ENOX1: variants seen among roughly 807,000 people sequenced by gnomAD.
The protein encoded by ENOX1 is ecto-NOX disulfide-thiol exchanger 1.
In ENOX1, 42 loss-of-function variants were observed where a neutral mutation model predicts 82.5. The observed-to-expected ratio is 0.51, with a 90% CI of 0.40 to 0.66. ENOX1 has a LOEUF of 0.66. Ranked by LOEUF, ENOX1 falls within the 30% of genes least tolerant of loss-of-function variation. The pLI, the probability that ENOX1 is intolerant of heterozygous loss-of-function variation, is 0.00. For missense variants in ENOX1, 608 were observed against 811.6 expected (o/e 0.75, Z 3.05); for synonymous variants, 271 against 282.2 (o/e 0.96, Z 0.40).
At chr13:43,337,851 GCTCT>G (rs888183685) in intron 9 of ENOX1, among the ~76,000 whole-genome samples, 21 of 152,288 alleles carry the variant, frequency 1.4e-4, no homozygotes, top group African/African-American at 4.6e-4. Flanking sequence ...TCTCACGTCT[GCTCT>G]CTGAGACTCA....
At chr13:43,733,969 C>A (rs1052186247) in intron 1 of ENOX1, among the ~76,000 whole-genome samples, 1 of 151,560 alleles carries the variant, frequency 6.6e-6, no homozygotes, top group Non-Finnish European at 1.5e-5. Context: ...TGCCCCCCAA[C>A]CAAAAAAAGA....
At chr13:43,474,059 C>T (rs2058179749) in intron 3 of ENOX1, among the ~76,000 whole-genome samples, 2 of 152,140 alleles carry the variant, frequency 1.3e-5, no homozygotes. Context: ...AAGTTTACCA[C>T]TGGCTTAGGT....
intron 1 of ENOX1, among the ~76,000 whole-genome samples, chr13:43,726,585 G>A (rs2088971078): frequency 6.6e-6 from 1 of 152,094 alleles, no homozygotes; most frequent in African/African-American, 2.4e-5. Context: ...ATGAACTGTT[G>A]GAGAACACCT....
At chr13:43,607,177 G>A (rs1393472108) in intron 2 of ENOX1, among the ~76,000 whole-genome samples, 1 of 152,016 alleles carries the variant, frequency 6.6e-6, no homozygotes, top group East Asian at 1.9e-4. Context: ...TGATTATTAT[G>A]CATTGTATGC....
chr13:43,731,529 T>C (rs1263938374), intron 1 of ENOX1, among the ~76,000 whole-genome samples: 1 of 151,180 alleles, frequency 6.6e-6, no homozygotes, highest in Non-Finnish European at 1.5e-5. Flanking sequence ...CTGTTTTTGT[T>C]TTTTTTTTTC....
chr13:43,305,818 G>A (rs1327376715), intron 11 of ENOX1, among the ~76,000 whole-genome samples: 2 of 152,234 alleles, frequency 1.3e-5, no homozygotes, highest in Non-Finnish European at 2.9e-5. Flanking sequence ...TTAAAACACT[G>A]TTGAAGGATG....
chr13:43,470,386 A>G (rs78182294), intron 3 of ENOX1, among the ~76,000 whole-genome samples: 1 of 24,376 alleles, frequency 4.1e-5, no homozygotes, highest in African/African-American at 1.2e-4. Flanking sequence ...ACATATATAT[A>G]CGTATATATA....
chr13:43,444,265 A>C (rs905867067), intron 3 of ENOX1, among the ~76,000 whole-genome samples: 15 of 152,180 alleles, frequency 9.9e-5, no homozygotes, highest in African/African-American at 3.1e-4. Flanking sequence ...TCTGCGAGGA[A>C]TTTGCTCTGA....
intron 2 of ENOX1, among the ~76,000 whole-genome samples, chr13:43,498,642 T>C (rs1239176536): frequency 6.6e-6 from 1 of 150,822 alleles, no homozygotes; most frequent in Admixed American, 6.6e-5. Flanking sequence ...AAAAAAAAGA[T>C]GGAATGAGAG....
intron 2 of ENOX1, among the ~76,000 whole-genome samples, chr13:43,552,538 C>A (rs566466213): frequency 5.3e-5 from 8 of 151,970 alleles, no homozygotes; most frequent in Admixed American, 1.3e-4. Context: ...CTTTTTATTT[C>A]TCTGCATCTC....
intron 2 of ENOX1, among the ~76,000 whole-genome samples, chr13:43,654,187 T>C (rs983841486): frequency 3.3e-5 from 5 of 152,110 alleles, no homozygotes; most frequent in African/African-American, 1.2e-4. Flanking sequence ...TCTAATCAGG[T>C]GAAGGCCTTA....
At chr13:43,658,464 C>T (rs2084553139) in intron 2 of ENOX1, among the ~76,000 whole-genome samples, 1 of 152,084 alleles carries the variant, frequency 6.6e-6, no homozygotes, top group South Asian at 2.1e-4. Context: ...TGTTAAATAT[C>T]CATATTTACA....
At chr13:43,707,208 T>C (rs1214367333) in intron 1 of ENOX1, among the ~76,000 whole-genome samples, 1 of 151,956 alleles carries the variant, frequency 6.6e-6, no homozygotes, top group South Asian at 2.1e-4. Context: ...ATAACAAATA[T>C]GCAAGACCTC....
At chr13:43,688,898 C>T (rs961169315) in intron 1 of ENOX1, among the ~76,000 whole-genome samples, 1 of 152,082 alleles carries the variant, frequency 6.6e-6, no homozygotes, top group Non-Finnish European at 1.5e-5. Flanking sequence ...AAGATCTGGG[C>T]TCTAGGTAAG....
At chr13:43,742,721 G>A (rs545961856) in intron 1 of ENOX1, among the ~76,000 whole-genome samples, 4 of 152,318 alleles carry the variant, frequency 2.6e-5, no homozygotes, top group African/African-American at 9.6e-5. Context: ...CAAGAGAGTA[G>A]CACTGGAAGT....
intron 2 of ENOX1, among the ~76,000 whole-genome samples, chr13:43,561,475 C>T (rs1468598446): frequency 6.6e-6 from 1 of 152,110 alleles, no homozygotes; most frequent in Non-Finnish European, 1.5e-5. Flanking sequence ...AGAAGAGCAG[C>T]TACATCACAG....
chr13:43,640,175 C>T (rs2083576558), intron 2 of ENOX1, among the ~76,000 whole-genome samples: 1 of 152,134 alleles, frequency 6.6e-6, no homozygotes, highest in Admixed American at 6.5e-5. Flanking sequence ...CTAACAAGGG[C>T]ATCTGTTTTT....
At chr13:43,709,553 G>A (rs2087546609) in intron 1 of ENOX1, among the ~76,000 whole-genome samples, 1 of 151,742 alleles carries the variant, frequency 6.6e-6, no homozygotes, top group Non-Finnish European at 1.5e-5. Flanking sequence ...GATGAGGGCA[G>A]GGATCAATGT....
At position 43,772,851 on chromosome 13, in the gene ENOX1, G is replaced by C. The variant is rs914138094; in HGVS notation, c.-285+13801C>G. ...AAGAATCCTTTATGGACTATCTTCA[G>C]CGTTCTGCATCAGTAGCTTGAGATG... is the stretch of plus-strand genomic sequence containing the variant. On this transcript the variant is annotated intron_variant, in intron 1 of 16. Coordinates refer to ENST00000690772, the MANE Select transcript of ENOX1 (RefSeq NM_001347969.2). Among the ~76,000 whole-genome samples the C allele has an allele frequency of 1.1e-4, 17 of 152,060 alleles. No homozygotes were observed. The East Asian group carries it at 3.3e-3, about 29-fold the overall frequency.
Sources: gnomAD v4.1 joint callset for allele counts (sites outside exome capture counted in the v4.1 genomes callset) on GRCh38, gnomAD v4.1.1 for gene constraint, MANE v1.5 for transcripts, NCBI Gene and HGNC (gene_info 2026-07-23, HGNC 2026-07-21) for gene names.